The following LCLAT1 variants were observed in gnomAD, a reference collection of about 807,000 sequenced individuals.
LCLAT1 encodes 1-AGP acyltransferase 8.
Under a neutral mutation model 30.7 loss-of-function variants are expected in LCLAT1, and 11 were observed. That is an observed-to-expected ratio of 0.36 (90% CI 0.23 to 0.59). The LOEUF (loss-of-function observed/expected upper bound fraction) is 0.59, where lower values mean the gene tolerates loss of function less well. Ranked by LOEUF, LCLAT1 falls within the 20% of genes least tolerant of loss-of-function variation. The pLI, the probability that LCLAT1 is intolerant of heterozygous loss-of-function variation, is 0.77. For synonymous variants in LCLAT1, 155 were observed against 151.3 expected (o/e 1.02, Z -0.18); for missense variants, 402 against 458.6 (o/e 0.88, Z 1.13).
At chr2:30,591,448 T>C (rs1223524605) in intron 5 of LCLAT1, among the ~76,000 whole-genome samples, 2 of 152,208 alleles carry the variant, frequency 1.3e-5, no homozygotes, top group African/African-American at 2.4e-5. Flanking sequence ...AGTACAATAT[T>C]TATGTTGCAT....
intron 1 of LCLAT1, among the ~76,000 whole-genome samples, chr2:30,524,177 A>AGACTGTGTG (rs2148381346): frequency 6.6e-6 from 1 of 152,304 alleles, no homozygotes; most frequent in African/African-American, 2.4e-5. Flanking sequence ...TATTCATTTT[A>AGACTGTGTG]GACTGTGTGT....
At chr2:30,570,721 G>T (rs1243149262) in intron 5 of LCLAT1, among the ~76,000 whole-genome samples, 2 of 152,158 alleles carry the variant, frequency 1.3e-5, no homozygotes, top group African/African-American at 4.8e-5. Context: ...CTTTAAGAAA[G>T]AGTTAAATAG....
intron 5 of LCLAT1, among the ~76,000 whole-genome samples, chr2:30,576,273 T>C (rs989900536): frequency 6.6e-6 from 1 of 152,160 alleles, no homozygotes; most frequent in Non-Finnish European, 1.5e-5. Flanking sequence ...GTGATGACTT[T>C]CGGTAGACTT....
chr2:30,503,258 A>G (rs1372923813), intron 1 of LCLAT1, among the ~76,000 whole-genome samples: 3 of 152,000 alleles, frequency 2.0e-5, no homozygotes, highest in African/African-American at 4.8e-5. Context: ...TTTTCACTTC[A>G]TCTTGTCTGG....
At chr2:30,455,132 G>A (rs72853160) in intron 1 of LCLAT1, among the ~76,000 whole-genome samples, 3,559 of 152,218 alleles carry the variant, frequency 0.023, 128 homozygotes, top group African/African-American at 0.08. Context: ...TTCTAAAGCC[G>A]TATTTATTTC....
chr2:30,628,974 G>A (rs1165192245), intron 5 of LCLAT1, among the ~76,000 whole-genome samples: 1 of 152,142 alleles, frequency 6.6e-6, no homozygotes, highest in African/African-American at 2.4e-5. Flanking sequence ...TTGCAACACA[G>A]TGTACAGAGG....
chr2:30,512,747 C>G (rs1269840149), intron 1 of LCLAT1, among the ~76,000 whole-genome samples: 1 of 152,172 alleles, frequency 6.6e-6, no homozygotes. Context: ...CCAGTCATAT[C>G]AGATGATGTG....
At chr2:30,574,719 T>C (rs1665920525) in intron 5 of LCLAT1, among the ~76,000 whole-genome samples, 1 of 152,180 alleles carries the variant, frequency 6.6e-6, no homozygotes. Context: ...TGACAATTAG[T>C]TCACACTGAG....
intron 5 of LCLAT1, among the ~76,000 whole-genome samples, chr2:30,626,701 CCT>C (rs1668527834): frequency 6.6e-6 from 1 of 150,768 alleles, no homozygotes; most frequent in African/African-American, 2.4e-5. Flanking sequence ...TTTTTTTCTC[CCT>C]CTAATTTTCA....
intron 1 of LCLAT1, among the ~76,000 whole-genome samples, chr2:30,472,494 A>G (rs891307310): frequency 2.0e-5 from 3 of 152,232 alleles, no homozygotes; most frequent in Non-Finnish European, 2.9e-5. Context: ...AAAGGACTGT[A>G]ATTACTAATG....
chr2:30,519,249 A>G (rs1242596249), intron 1 of LCLAT1, among the ~76,000 whole-genome samples: 1 of 152,182 alleles, frequency 6.6e-6, no homozygotes, highest in Non-Finnish European at 1.5e-5. Flanking sequence ...TGTCTCTTCC[A>G]GAATTGATGC....
At chr2:30,541,259 A>G (rs1664123341) in intron 3 of LCLAT1, among the ~76,000 whole-genome samples, 1 of 152,068 alleles carries the variant, frequency 6.6e-6, no homozygotes, top group Non-Finnish European at 1.5e-5. Context: ...CTCTGGTCTA[A>G]GCTAGGAGAG....
intron 5 of LCLAT1, among the ~76,000 whole-genome samples, chr2:30,621,320 C>T (rs1429052911): frequency 6.6e-6 from 1 of 152,102 alleles, no homozygotes; most frequent in Non-Finnish European, 1.5e-5. Context: ...CTCAATCTCC[C>T]ATGTGACGTA....
intron 3 of LCLAT1, among the ~76,000 whole-genome samples, chr2:30,534,219 C>CTGTGTGTG (rs57380693): frequency 6.3e-4 from 82 of 130,574 alleles, no homozygotes; most frequent in South Asian, 2.8e-3. Context: ...AGTTGATTTA[C>CTGTGTGTG]TGTGTGTGTG....
intron 3 of LCLAT1, among the ~76,000 whole-genome samples, chr2:30,554,864 G>T (rs548183339): frequency 1.3e-5 from 2 of 152,192 alleles, no homozygotes; most frequent in Admixed American, 1.3e-4. Flanking sequence ...TGAAAAGTAT[G>T]AGAGGAGAGA....
intron 5 of LCLAT1, among the ~76,000 whole-genome samples, chr2:30,617,475 T>C (rs1230340050): frequency 6.6e-6 from 1 of 152,226 alleles, no homozygotes; most frequent in African/African-American, 2.4e-5. Context: ...TAGGATACTA[T>C]GTATAAAATT....
chr2:30,504,702 C>G (rs1367855218), intron 1 of LCLAT1, among the ~76,000 whole-genome samples: 1 of 152,120 alleles, frequency 6.6e-6, no homozygotes, highest in East Asian at 1.9e-4. Flanking sequence ...CTCTCCCCTT[C>G]CTTTTCTCTC....
chr2:30,539,685 C>G (rs1029649206), intron 3 of LCLAT1, among the ~76,000 whole-genome samples: 1 of 152,048 alleles, frequency 6.6e-6, no homozygotes. Flanking sequence ...TAATCATGGT[C>G]CATCTTAAAT....
rs763465862 is a variant in LCLAT1, at chr2:30,568,041, G to A, written c.512-19G>A. ...TTCCCTTTAGTTTATGATTTATAATGGTCCATTGTTTTGTTTAGAAAACAG... is the reference window on the plus strand; with the variant it reads ...TTCCCTTTAGTTTATGATTTATAATAGTCCATTGTTTTGTTTAGAAAACAG... On this transcript the variant is annotated intron_variant, in intron 4 of 5. Coordinates refer to ENST00000379509, the MANE Select transcript of LCLAT1 (RefSeq NM_001002257.3). 3 of 1,233,776 alleles carry A rather than the reference G, an allele frequency of 2.4e-6. No homozygotes were observed. The highest frequency in any genetic ancestry group is 3.5e-6 in the Non-Finnish European group (3 of 850,256). The allele number at this position is 1,233,776 out of a possible 1,614,324, so 76.4% of individuals were successfully genotyped here. A position where few individuals can be genotyped will look rare whatever the true frequency, so the allele number is the denominator to read the frequency against.
Sources: allele counts gnomAD v4.1 joint callset (sites outside exome capture counted in the v4.1 genomes callset), GRCh38; gene constraint gnomAD v4.1.1; transcripts MANE v1.5; gene names NCBI Gene and HGNC (gene_info 2026-07-23, HGNC 2026-07-21).